The following RTN1 variants were observed in gnomAD, a reference collection of about 807,000 sequenced individuals.
The protein encoded by RTN1 is reticulon-1.
A neutral mutation model predicts 65.5 loss-of-function variants in RTN1; 25 were observed. That is an observed-to-expected ratio of 0.38 (90% CI 0.28 to 0.53). The LOEUF (loss-of-function observed/expected upper bound fraction) is 0.53. RTN1 is among the 20% of genes least tolerant of loss of function. The probability of loss-of-function intolerance (pLI) is 0.79; values close to 1 mark genes in which losing one functional copy is unlikely to be tolerated. For missense variants in RTN1, 983 were observed against 1,025.4 expected (o/e 0.96, Z 0.57); for synonymous variants, 471 against 447.6 (o/e 1.05, Z -0.66).
At chr14:59,699,540 T>C (rs1884137426) in intron 3 of RTN1, among the ~76,000 whole-genome samples, 1 of 152,096 alleles carries the variant, frequency 6.6e-6, no homozygotes. Context: ...AAGAATTTAG[T>C]GTGGAGGATG....
intron 3 of RTN1, among the ~76,000 whole-genome samples, chr14:59,682,453 T>G (rs1883765131): frequency 6.6e-6 from 1 of 152,220 alleles, no homozygotes; most frequent in Non-Finnish European, 1.5e-5. Flanking sequence ...TGTTGAAGTT[T>G]ATACCTATGT....
At chr14:59,746,659 T>C (rs756793137) in intron 1 of RTN1, among the ~76,000 whole-genome samples, 178 bp from the exon 2 acceptor site, 21 of 152,124 alleles carry the variant, frequency 1.4e-4, no homozygotes, top group Non-Finnish European at 2.4e-4. Flanking sequence ...ATCTCCCCGA[T>C]AGTCCATACT....
chr14:59,784,781 A>G (rs1324325693), intron 1 of RTN1, among the ~76,000 whole-genome samples: 1 of 152,214 alleles, frequency 6.6e-6, no homozygotes, highest in Non-Finnish European at 1.5e-5. Flanking sequence ...GTTAAGTATA[A>G]TAACTCTTGG....
At chr14:59,709,474 G>A (rs1333913232) in intron 3 of RTN1, among the ~76,000 whole-genome samples, 2 of 152,176 alleles carry the variant, frequency 1.3e-5, no homozygotes, top group Admixed American at 6.5e-5. Flanking sequence ...ACAGTTCTTA[G>A]TACTTGTGAA....
intron 2 of RTN1, among the ~76,000 whole-genome samples, chr14:59,732,390 G>A (rs1032346634): frequency 6.6e-6 from 1 of 152,218 alleles, no homozygotes; most frequent in African/African-American, 2.4e-5. Context: ...AATGAATACA[G>A]TACCTTCAAT....
intron 3 of RTN1, among the ~76,000 whole-genome samples, chr14:59,723,458 CA>C (rs1374811925): frequency 6.7e-6 from 1 of 150,258 alleles, no homozygotes; most frequent in African/African-American, 2.4e-5. Flanking sequence ...AAAAAAAATA[CA>C]AAAAATTAGC....
chr14:59,619,701 G>T (rs1882203465), intron 3 of RTN1, among the ~76,000 whole-genome samples: 1 of 152,150 alleles, frequency 6.6e-6, no homozygotes, highest in Non-Finnish European at 1.5e-5. Flanking sequence ...GAATAAGTGG[G>T]TCCAGAGAAA....
chr14:59,731,709 C>A (rs904904013), intron 2 of RTN1, among the ~76,000 whole-genome samples: 1 of 152,156 alleles, frequency 6.6e-6, no homozygotes. Flanking sequence ...GAGTTCTCAT[C>A]TTATTTGTCT....
rs567457055 is a variant in RTN1 at position 59,612,758 on chromosome 14, T to G, written c.1766-5266A>C. The stretch of plus-strand genomic sequence containing the variant: ...CTTGTGACCATGCGGGGATACTTTC[T>G]TTTGGTTTCCACCATCCAGAGGACA... On this transcript the variant is annotated intron_variant, in intron 3 of 8. Transcript: ENST00000267484. Among the ~76,000 whole-genome samples the G allele has an allele frequency of 1.3e-5, 2 of 152,348 alleles. 1 individual carries two copies. The highest frequency in any genetic ancestry group is 4.1e-4 in the South Asian group (2 of 4,830).
intron 3 of RTN1, among the ~76,000 whole-genome samples, chr14:59,612,040 C>G (rs916941444): frequency 6.6e-6 from 1 of 152,176 alleles, no homozygotes; most frequent in South Asian, 2.1e-4. Flanking sequence ...CATCTGTCCC[C>G]ACCTGGAGTG....
intron 1 of RTN1, among the ~76,000 whole-genome samples, chr14:59,834,629 G>A (rs1429053082): frequency 6.6e-6 from 1 of 152,156 alleles, no homozygotes; most frequent in East Asian, 1.9e-4. Context: ...AAAGCAAGTG[G>A]CATAGAAAAA....
chr14:59,597,895 TG>T (rs940771805), intron 8 of RTN1, among the ~76,000 whole-genome samples: 1 of 151,844 alleles, frequency 6.6e-6, no homozygotes, highest in Non-Finnish European at 1.5e-5. Context: ...CCCGTTTGCT[TG>T]GGGTATGGAC....
intron 3 of RTN1, among the ~76,000 whole-genome samples, chr14:59,658,756 T>C (rs556302754): frequency 6.6e-6 from 1 of 152,270 alleles, no homozygotes; most frequent in East Asian, 1.9e-4. Context: ...CAAAGGTAGA[T>C]GAATCCACGA....
At chr14:59,728,249 CTTTTTTT>C (rs200434592) in intron 2 of RTN1, among the ~76,000 whole-genome samples, 37 of 124,198 alleles carry the variant, frequency 3.0e-4, no homozygotes, top group East Asian at 1.2e-3. Context: ...GAATCAGTAT[CTTTTTTT>C]TTTTTTTTTT....
Position 59,836,345 on chromosome 14 carries a change from T to A in RTN1, c.241+34045A>T, listed in dbSNP as rs1207111757. Among the ~76,000 whole-genome samples, 1 of 152,246 alleles carries A rather than the reference T, an allele frequency of 6.6e-6. No homozygotes were observed. Among genetic ancestry groups the A allele is most frequent in the Non-Finnish European group, 1.5e-5 (1 of 68,044 alleles). ...TACACGCATCATCCCACTGAATCAT[T>A]CTGACAATCCTATGAGGTTGGTCCC... On this transcript the variant is annotated intron_variant, in intron 1 of 8. Coordinates refer to ENST00000267484, the MANE Select transcript of RTN1 (RefSeq NM_021136.3). This position sits in a 1 kb window ranked among gnomAD's most constrained non-coding sequence, Gnocchi z 4.9.
At chr14:59,802,374 A>G (rs571931415) in intron 1 of RTN1, among the ~76,000 whole-genome samples, 61 of 152,316 alleles carry the variant, frequency 4.0e-4, no homozygotes, top group Non-Finnish European at 7.8e-4. Context: ...AGAAAAATAC[A>G]TGGCACTAGG....
rs1566737451 is a variant in RTN1, at chr14:59,819,411, ACCAC to A, written c.241+50975_241+50978del. On this transcript the variant is annotated intron_variant, in intron 1 of 8. Coordinates refer to ENST00000267484, the MANE Select transcript of RTN1 (RefSeq NM_021136.3). ...AGCTGATTGGTGCATCCACACCACC[ACCAC>A]CCCCCCCCCACCCCCCACCCCCCCC... 3.9e-4 allele frequency among the ~76,000 whole-genome samples: 5 copies of A among 12,734 alleles called. 1 individual carries two copies. The highest frequency in any genetic ancestry group is 5.7e-4 in the Non-Finnish European group (4 of 7,030). 8.4% of individuals were successfully genotyped at this position (12,734 alleles called of 152,430 possible).
At chr14:59,721,298 G>A (rs1051696020) in intron 3 of RTN1, among the ~76,000 whole-genome samples, 5 of 152,212 alleles carry the variant, frequency 3.3e-5, no homozygotes, top group African/African-American at 1.2e-4. Context: ...GGGTGAGCAG[G>A]CTGCAGAGGC....
chr14:59,791,323 C>T (rs745966377), intron 1 of RTN1, among the ~76,000 whole-genome samples: 1 of 152,156 alleles, frequency 6.6e-6, no homozygotes, highest in Non-Finnish European at 1.5e-5. Context: ...GACACCTCTT[C>T]ATCTTCTTAT....
Sources: allele counts gnomAD v4.1 joint callset (sites outside exome capture counted in the v4.1 genomes callset), GRCh38; gene constraint gnomAD v4.1.1; non-coding constraint Gnocchi (gnomAD v3.1); transcripts MANE v1.5; gene names NCBI Gene and HGNC (gene_info 2026-07-23, HGNC 2026-07-21).